Variants in FAM3A observed in about 807,000 individuals in gnomAD.
FAM3A encodes the protein FAM3 metabolism regulating signaling molecule A.
Under a neutral mutation model 18.1 loss-of-function variants are expected in FAM3A, and 5 were observed. That is an observed-to-expected ratio of 0.28 (90% confidence interval 0.14 to 0.58). The LOEUF (loss-of-function observed/expected upper bound fraction) is 0.58, where lower values mean the gene tolerates loss of function less well. FAM3A is among the 20% of genes least tolerant of loss of function. FAM3A has a pLI of 0.91. For synonymous variants in FAM3A, 108 were observed against 90.2 expected (o/e 1.20, Z -1.12); for missense variants, 154 against 216.6 (o/e 0.71, Z 1.81).
intron 1 of FAM3A, among the ~76,000 whole-genome samples, chrX:154,515,242 T>G (rs2070137337): frequency 8.9e-6 from 1 of 112,105 alleles, no homozygotes; most frequent in African/African-American, 3.2e-5. Flanking sequence ...TGCCAGCTGG[T>G]TCCTCAGTGG....
chrX:154,510,780 A>T (rs2069830323), intron 3 of FAM3A: 1 of 110,454 alleles, frequency 9.1e-6, no homozygotes. Context: ...TATGAAAATT[A>T]GTTGGGTATG....
Position 154,511,880 on chromosome X carries a change from A to G in FAM3A, c.128-9T>C. On this transcript the variant is annotated splice_polypyrimidine_tract_variant and intron_variant, in intron 2 of 8. Coordinates refer to ENST00000447601, the MANE Select transcript of FAM3A (RefSeq NM_021806.4). ...CACCGAGCTCTCTGGACCTGTGGATACAGAGTGGTTTCTGTTAGTGTGGAG... is the reference window on the plus strand; with the variant it reads ...CACCGAGCTCTCTGGACCTGTGGATGCAGAGTGGTTTCTGTTAGTGTGGAG... 2 of 1,208,223 alleles carry G rather than the reference A, an allele frequency of 1.7e-6. No individual in the cohort carries two copies.
chrX:154,507,923 G>C (rs1045992961), intron 5 of FAM3A, 62 bp from the exon 6 acceptor site: 20 of 1,007,387 alleles, frequency 2.0e-5, no homozygotes. Flanking sequence ...ACGGCAGGCG[G>C]GTAGCACCGG....
In FAM3A at chrX:154,506,654, G is replaced by T. The variant is rs2069539251; in HGVS notation, c.*157C>A. On this transcript the variant is annotated 3_prime_UTR_variant, in exon 9 of 9. Transcript: ENST00000447601. ...GCCCCCATAGCCCCCACCACCTTGA[G>T]ACCACGTTCTGGTCACTGCCTCGGA... 2.2e-6 allele frequency: 1 copy of T among 462,673 alleles called. No homozygotes were observed. The highest frequency in any genetic ancestry group is 3.8e-6 in the Non-Finnish European group (1 of 265,405). The allele number at this position is 462,673 out of a possible 1,213,427, so 38.1% of individuals were successfully genotyped here. A position where few individuals can be genotyped will look rare whatever the true frequency, so the allele number is the denominator to read the frequency against.
At position 154,507,841 on chromosome X, in the gene FAM3A, C is replaced by T. The variant is rs782018344; in HGVS notation, c.355G>A (p.Glu119Lys). ...GCCCACATGTCAAAGGCCCGGGCCT[C>T]GATGAGCTCGCCGCTGACCCCTGTG... Reference protein sequence around the residue: ...LVNGVSGELIEARAFDMWAGD... With the variant: ...LVNGVSGELIKARAFDMWAGD... The change falls in exon 6 of 9, where the codon GAG becomes AAG. Residue 119 changes from glutamate to lysine, a missense_variant. Glu to Lys is a moderately conservative substitution (Grantham distance 56). Coordinates refer to ENST00000447601, the MANE Select transcript of FAM3A (RefSeq NM_021806.4). 4 of 1,194,250 alleles carry T rather than the reference C, an allele frequency of 3.3e-6. No individual in the cohort carries two copies. Among genetic ancestry groups the T allele is most frequent in the Admixed American group, 2.3e-5 (1 of 43,959 alleles).
At chrX:154,507,178 G>C (rs1557219086) in intron 8 of FAM3A, 25 bp downstream of exon 8, 1 of 1,185,201 alleles carries the variant, frequency 8.4e-7, no homozygotes, top group Non-Finnish European at 1.1e-6. Flanking sequence ...GCCCCGGTGG[G>C]GGTGATGCCA....
rs145149211 is a variant in FAM3A at position 154,513,646 on chromosome X, A to C, written c.14-710T>G. 8.7e-3 allele frequency among the ~76,000 whole-genome samples: 956 copies of C among 109,464 alleles called. 13 individuals carry two copies. The highest frequency in any genetic ancestry group is 0.03 in the African/African-American group (892 of 30,065). On this transcript the variant is annotated intron_variant, in intron 1 of 8. Transcript: ENST00000447601. The stretch of plus-strand genomic sequence containing the variant: ...TCTGCCTCAAAACAAAAACAAAAAC[A>C]AAACAAAACAAAACCAAAACAACAA...
At position 154,506,761 on chromosome X, in the gene FAM3A, G is replaced by A. The variant is rs368910148; in HGVS notation, c.*50C>T. 1.2e-4 allele frequency: 129 copies of A among 1,064,486 alleles called. No homozygotes were observed. Among genetic ancestry groups the A allele is most frequent in the African/African-American group, 2.9e-4 (16 of 54,740 alleles). The allele number at this position is 1,064,486 out of a possible 1,213,427, so 87.7% of individuals were successfully genotyped here. A position where few individuals can be genotyped will look rare whatever the true frequency, so the allele number is the denominator to read the frequency against. On this transcript the variant is annotated 3_prime_UTR_variant, in exon 9 of 9. Coordinates refer to ENST00000447601, the MANE Select transcript of FAM3A (RefSeq NM_021806.4). Reference sequence around the variant, plus strand: ...AGCCTCTGTCCGCCCGGCAGCGCGCGTGCCTCCCTTGGTCTGGCCTCCCTC... The same window carrying A: ...AGCCTCTGTCCGCCCGGCAGCGCGCATGCCTCCCTTGGTCTGGCCTCCCTC...
intron 1 of FAM3A, among the ~76,000 whole-genome samples, chrX:154,515,115 C>T (rs782379546): frequency 5.3e-5 from 6 of 112,378 alleles, no homozygotes; most frequent in Non-Finnish European, 1.1e-4. Context: ...CCACCGCGCC[C>T]GGCCTGTAGT....
Position 154,508,353 on chromosome X carries a change from T to TGGGGGGGGGG in FAM3A, c.276-7_276-6insCCCCCCCCCC, listed in dbSNP as rs781901760. 4.0e-6 allele frequency: 1 copy of TGGGGGGGGGG among 248,600 alleles called. No individual in the cohort carries two copies. The highest frequency in any genetic ancestry group is 5.8e-6 in the Non-Finnish European group (1 of 173,630). 20.5% of individuals were successfully genotyped at this position (248,600 alleles called of 1,213,427 possible). On this transcript the variant is annotated splice_polypyrimidine_tract_variant and splice_region_variant and intron_variant, in intron 4 of 8. Coordinates refer to ENST00000447601, the MANE Select transcript of FAM3A (RefSeq NM_021806.4). ...CCTTGACGCTGCTCATCAGCCTAGT[T>TGGGGGGGGGG]GGGGGGGGGTGGGGGGGACGGGGAG...
rs1167384384 is a variant in FAM3A, at chrX:154,511,672, G to A, written c.151+176C>T. On this transcript the variant is annotated intron_variant, in intron 3 of 8. Coordinates refer to ENST00000447601, the MANE Select transcript of FAM3A (RefSeq NM_021806.4). Reference sequence around the variant, plus strand: ...AGGCCTGCCCCACCGTCATATTCTGGCAGGAAGTAACTTGGCAGGAAGTAA... The same window carrying A: ...AGGCCTGCCCCACCGTCATATTCTGACAGGAAGTAACTTGGCAGGAAGTAA... Among the ~76,000 whole-genome samples the A allele has an allele frequency of 2.7e-5, 3 of 112,106 alleles. No homozygotes were observed. In the Admixed American group the frequency reaches 2.9e-4, roughly 11 times the overall value.
chrX:154,507,697 C>G (rs1441541909), intron 6 of FAM3A, 114 bp downstream of exon 6: 1 of 902,080 alleles, frequency 1.1e-6, no homozygotes, highest in African/African-American at 2.0e-5. Context: ...CCTTTCTGAA[C>G]CCACGGAGGT....
intron 1 of FAM3A, 39 bp from the exon 2 acceptor site, chrX:154,512,975 T>C (rs1557223788): frequency 1.0e-6 from 1 of 960,976 alleles, no homozygotes; most frequent in Non-Finnish European, 1.5e-6. Context: ...TCACCTCAGA[T>C]ACCAGCGAAC....
Position 154,508,353 on chromosome X carries a change from TG to T in FAM3A, c.276-7del, listed in dbSNP as rs781901760. On this transcript the variant is annotated splice_region_variant and splice_polypyrimidine_tract_variant and intron_variant, in intron 4 of 8. Transcript: ENST00000447601. ...CCTTGACGCTGCTCATCAGCCTAGT[TG>T]GGGGGGGGTGGGGGGGACGGGGAGA... 9.5e-3 allele frequency: 2,484 copies of T among 262,548 alleles called. 1 individual carries two copies. The highest frequency in any genetic ancestry group is 0.035 in the African/African-American group (298 of 8,545). The allele number at this position is 262,548 out of a possible 1,213,427, so 21.6% of individuals were successfully genotyped here.
intron 3 of FAM3A, chrX:154,511,163 A>G (rs2069849377): frequency 9.0e-6 from 1 of 111,666 alleles, no homozygotes; most frequent in Non-Finnish European, 1.9e-5. Flanking sequence ...TAATCATATT[A>G]CAAAAACTGC....
chrX:154,509,733 C>T (rs2069764357), intron 3 of FAM3A: 1 of 111,668 alleles, frequency 9.0e-6, no homozygotes, highest in Admixed American at 9.5e-5. Flanking sequence ...GGGGGCTGAA[C>T]TTCAAGGTAA....
chrX:154,507,624 T>C, intron 6 of FAM3A, 134 bp from the exon 7 acceptor site: 2 of 840,305 alleles, frequency 2.4e-6, no homozygotes, highest in Non-Finnish European at 3.4e-6. Flanking sequence ...CAGGCTGGTG[T>C]AGGAAGCTGA....
In FAM3A at chrX:154,508,524, G is replaced by A; in HGVS notation, c.225C>T (p.Val75=). The change falls in exon 4 of 9, where the codon GTC becomes GTT. Residue 75 remains valine, a synonymous_variant. Coordinates refer to ENST00000447601, the MANE Select transcript of FAM3A (RefSeq NM_021806.4). Reference sequence around the variant, plus strand: ...GCCCAATGACGTTGGCGGCCCCGCTGACCACGCGGAAGGCCAGGTGCTCCT... The same window carrying A: ...GCCCAATGACGTTGGCGGCCCCGCTAACCACGCGGAAGGCCAGGTGCTCCT... ...CPEEHLAFRV[V]SGAANVIGPK... is the part of the protein sequence containing the mutation. 1.7e-6 allele frequency: 2 copies of A among 1,206,393 alleles called. No individual in the cohort carries two copies. Among genetic ancestry groups the A allele is most frequent in the Non-Finnish European group, 2.2e-6 (2 of 892,560 alleles).
intron 6 of FAM3A, 144 bp downstream of exon 6, chrX:154,507,667 C>T: frequency 2.9e-5 from 24 of 820,898 alleles, no homozygotes; most frequent in Non-Finnish European, 4.1e-5. Context: ...GCCTCCAGAC[C>T]AAGCTGGCGA....
Sources: gnomAD v4.1 joint callset for allele counts (sites outside exome capture counted in the v4.1 genomes callset) on GRCh38, gnomAD v4.1.1 for gene constraint, MANE v1.5 for transcripts, NCBI Gene and HGNC (gene_info 2026-07-23, HGNC 2026-07-21) for gene names.